The following LZTS1 variants were observed in gnomAD, a reference collection of about 807,000 sequenced individuals.
LZTS1 encodes the protein leucine zipper tumor suppressor 1, also known as leucine zipper putative tumor suppressor 1.
A neutral mutation model predicts 45.8 loss-of-function variants in LZTS1; 31 were observed. The observed-to-expected ratio is 0.68, with a 90% CI of 0.51 to 0.91. The LOEUF is 0.91. LZTS1 is among the 40% of genes least tolerant of loss of function. The pLI, the probability that LZTS1 is intolerant of heterozygous loss-of-function variation, is 0.00. For missense variants in LZTS1, 821 were observed against 788.9 expected, an observed-to-expected ratio of 1.04 and a Z score of -0.49; for synonymous variants, 359 against 357.3, an observed-to-expected ratio of 1.00 and a Z score of -0.05.
At chr8:20,269,387 G>A (rs1800429396) in intron 1 of LZTS1, among the ~76,000 whole-genome samples, 2 of 152,194 alleles carry the variant, frequency 1.3e-5, no homozygotes, top group South Asian at 4.1e-4. Context: ...AGGAGCAGAT[G>A]GGACTCTGGA....
In LZTS1 at chr8:20,256,063, A is replaced by C. The variant is rs1365842035; in HGVS notation, c.-134-748T>G. ...GCACTCCAGCCTGGGCCTGACTCAA[A>C]AAAAAAAAAAAAAAAAAAAAAGAAG... On this transcript the variant is annotated intron_variant, in intron 1 of 3. Coordinates refer to ENST00000381569, the MANE Select transcript of LZTS1 (RefSeq NM_021020.5). Among the ~76,000 whole-genome samples the C allele has an allele frequency of 1.7e-3, 242 of 139,794 alleles. 2 individuals are homozygous for C. The South Asian group carries it at 0.031, about 18-fold the overall frequency. The allele number at this position is 139,794 out of a possible 152,430, so 91.7% of individuals were successfully genotyped here.
chr8:20,254,089 A>G (rs73607943), intron 2 of LZTS1, among the ~76,000 whole-genome samples: 5,574 of 152,268 alleles, frequency 0.037, 147 homozygotes, highest in Middle Eastern at 0.095. Flanking sequence ...AGTGCTTCAC[A>G]GTTTACAAGC....
chr8:20,271,943 G>C (rs935256684), intron 1 of LZTS1, among the ~76,000 whole-genome samples: 7 of 152,188 alleles, frequency 4.6e-5, no homozygotes, highest in African/African-American at 1.7e-4. Context: ...CCCAGTATAT[G>C]TGTCAGCACA....
intron 1 of LZTS1, among the ~76,000 whole-genome samples, chr8:20,288,049 A>C (rs956617852): frequency 6.7e-6 from 1 of 150,300 alleles, no homozygotes; most frequent in Non-Finnish European, 1.5e-5. Context: ...CCCAGCCCCC[A>C]CCTCCTGCCT....
At chr8:20,288,902 C>A (rs1259570260) in intron 1 of LZTS1, among the ~76,000 whole-genome samples, 2 of 151,938 alleles carry the variant, frequency 1.3e-5, no homozygotes, top group Non-Finnish European at 2.9e-5. Context: ...ATGGGTAGTA[C>A]CCACCTCATA....
At position 20,254,877 on chromosome 8, in the gene LZTS1, G is replaced by A. The variant is rs1800052278; in HGVS notation, c.305C>T (p.Thr102Ile). 4 of 1,613,932 alleles carry A rather than the reference G, an allele frequency of 2.5e-6. No homozygotes were observed. The highest frequency in any genetic ancestry group is 3.4e-6 in the Non-Finnish European group (4 of 1,179,948). Residue 102 changes from threonine (T) to isoleucine (I), a missense_variant, in exon 2 of 4, where the codon ACA (threonine) becomes ATA (isoleucine). Coordinates refer to ENST00000381569, the MANE Select transcript of LZTS1 (RefSeq NM_021020.5). ...GQAGVDFDPS[T>I]PPKLMPFSNQ... ...GGAGAAGGGCATGAGCTTGGGGGGTGTGGACGGGTCAAAGTCCACCCCAGC... is the reference window on the plus strand; with the variant it reads ...GGAGAAGGGCATGAGCTTGGGGGGTATGGACGGGTCAAAGTCCACCCCAGC...
intron 1 of LZTS1, among the ~76,000 whole-genome samples, chr8:20,272,173 G>A (rs1289969409): frequency 1.3e-5 from 2 of 152,290 alleles, no homozygotes; most frequent in African/African-American, 2.4e-5. Context: ...TTCAAGGTCC[G>A]ATGCAATCTA....
intron 1 of LZTS1, among the ~76,000 whole-genome samples, chr8:20,271,463 C>G (rs1461838354): frequency 6.6e-6 from 1 of 152,202 alleles, no homozygotes; most frequent in South Asian, 2.1e-4. Flanking sequence ...CTCCATGAAC[C>G]TTCCTGGTGA....
At chr8:20,279,917 G>T (rs890224863) in intron 1 of LZTS1, among the ~76,000 whole-genome samples, 1 of 151,100 alleles carries the variant, frequency 6.6e-6, no homozygotes, top group Non-Finnish European at 1.5e-5. Flanking sequence ...AGCCCAGGAG[G>T]TTGAGGCTGC....
chr8:20,280,667 G>A (rs1800671261), intron 1 of LZTS1, among the ~76,000 whole-genome samples: 3 of 152,172 alleles, frequency 2.0e-5, no homozygotes, highest in Non-Finnish European at 2.9e-5. Flanking sequence ...AGAATTGGTG[G>A]GCACAGCAGA....
intron 1 of LZTS1, among the ~76,000 whole-genome samples, chr8:20,292,820 C>G (rs1800921821): frequency 1.3e-5 from 2 of 152,164 alleles, no homozygotes; most frequent in African/African-American, 4.8e-5. Flanking sequence ...CTGATGTGGA[C>G]CATCGATCCT....
At chr8:20,258,823 A>C (rs1045719525) in intron 1 of LZTS1, among the ~76,000 whole-genome samples, 1 of 152,170 alleles carries the variant, frequency 6.6e-6, no homozygotes, top group Non-Finnish European at 1.5e-5. Context: ...GGGGAGCCTC[A>C]ATGTCCAAAC....
intron 1 of LZTS1, among the ~76,000 whole-genome samples, chr8:20,292,639 G>C (rs1188591489): frequency 6.6e-6 from 1 of 152,188 alleles, no homozygotes; most frequent in Non-Finnish European, 1.5e-5. Context: ...GGGCCCCTTT[G>C]ATTGGGGTAG....
chr8:20,252,922 G>T lies in LZTS1; in HGVS notation c.1009C>A (p.Gln337Lys). 1 of 1,608,390 alleles carries T rather than the reference G, an allele frequency of 6.2e-7. No homozygotes were observed. The highest frequency in any genetic ancestry group is 1.3e-5 in the African/African-American group (1 of 74,958). The part of the protein sequence containing the change: ...AQQVLHLQVL[Q>K]LQQEKRQLRQ... ...AGCTGCCGCTTCTCCTGCTGAAGCTGCAGTACCTGCAGGTGCAGGACCTGC... is the reference window on the plus strand; with the variant it reads ...AGCTGCCGCTTCTCCTGCTGAAGCTTCAGTACCTGCAGGTGCAGGACCTGC... Residue 337 changes from glutamine to lysine, a missense_variant, in exon 3 of 4, where the codon CAG becomes AAG. Gln to Lys is a moderately conservative substitution (Grantham distance 53). Transcript: ENST00000381569.
intron 3 of LZTS1, 101 bp downstream of exon 3, chr8:20,252,681 G>T: frequency 9.5e-7 from 1 of 1,053,270 alleles, no homozygotes; most frequent in Non-Finnish European, 1.3e-6. Flanking sequence ...GCTTGCCTGC[G>T]CGGTCTGTGT....
In LZTS1 at chr8:20,250,198, C is replaced by A. The variant is rs141716809; in HGVS notation, c.1315G>T (p.Ala439Ser). 6.2e-7 allele frequency: 1 copy of A among 1,610,760 alleles called. No homozygotes were observed. The highest frequency in any genetic ancestry group is 1.7e-5 in the Admixed American group (1 of 59,840). Reference protein sequence around the residue: ...LELRTQDLEGALRTKGLELEV... With the variant: ...LELRTQDLEGSLRTKGLELEV... ...AGCTCCAGGCCCTTGGTGCGCAGGG[C>A]GCCCTCCAGGTCCTGGGTCCTCAGC... Residue 439 changes from alanine to serine, a missense_variant, in exon 4 of 4, where the codon GCC becomes TCC. Transcript: ENST00000381569.
rs754767731 is a variant in LZTS1, at chr8:20,253,181, C to T, written c.750G>A (p.Ser250=). The T allele has an allele frequency of 3.1e-6, 5 of 1,613,512 alleles. No homozygotes were observed. The highest frequency in any genetic ancestry group is 1.3e-5 in the African/African-American group (1 of 75,072). Residue 250 remains serine (S), a synonymous_variant, in exon 3 of 4, where the codon TCG becomes TCA. Transcript: ENST00000381569. ...GHSNKADKGP[S]CVRSPISTDE... ...CCGTGGAGATGGGGGAGCGGACACA[C>T]GAGGGGCCCTTGTCTGCCTTGTTCG... is the stretch of plus-strand genomic sequence containing the variant.
chr8:20,295,317 GCTGGTCTGTT>G (rs1194414755), intron 1 of LZTS1, among the ~76,000 whole-genome samples: 3 of 152,188 alleles, frequency 2.0e-5, no homozygotes, highest in Admixed American at 1.3e-4. Flanking sequence ...TGCTTTCCTG[GCTGGTCTGTT>G]CTGCAGTGTA....
intron 2 of LZTS1, among the ~76,000 whole-genome samples, 172 bp downstream of exon 2, chr8:20,254,665 G>A (rs1026667962): frequency 2.0e-4 from 30 of 152,148 alleles, no homozygotes; most frequent in African/African-American, 7.0e-4. Flanking sequence ...TTTGTGAAAC[G>A]TTTGATCTCT....
Sources: allele counts gnomAD v4.1 joint callset (sites outside exome capture counted in the v4.1 genomes callset), GRCh38; gene constraint gnomAD v4.1.1; transcripts MANE v1.5; gene names NCBI Gene and HGNC (gene_info 2026-07-23, HGNC 2026-07-21).